The following RPL31 variants were observed in gnomAD, a reference collection of about 807,000 sequenced individuals.
RPL31 encodes the protein ribosomal protein L31.
For missense variants in RPL31, 95 were observed against 164.0 expected (o/e 0.58, Z 2.30); for synonymous variants, 51 against 55.0 (o/e 0.93, Z 0.32).
At chr2:101,013,672 T>C (rs1022674323) in intron 4 of RPL31, among the ~76,000 whole-genome samples, 2 of 152,224 alleles carry the variant, frequency 1.3e-5, no homozygotes, top group African/African-American at 4.8e-5. Context: ...TGGTTTCTAT[T>C]TTCTATATCA....
intron 3 of RPL31, 106 bp from the exon 4 acceptor site, chr2:101,005,853 C>G (rs1678710593): frequency 1.0e-5 from 10 of 954,182 alleles, no homozygotes; most frequent in Non-Finnish European, 1.5e-5. Context: ...CAGAGTAGAG[C>G]AAAGGACAGC....
chr2:101,008,033 G>A, downstream of RPL31: 2 of 1,613,938 alleles, frequency 1.2e-6, no homozygotes, highest in Non-Finnish European at 1.7e-6. Flanking sequence ...GGAAATGCCT[G>A]GGAGTCCTGG....
chr2:101,011,106 G>C (rs1679176778), downstream of RPL31: 11 of 1,333,746 alleles, frequency 8.2e-6, no homozygotes, highest in Non-Finnish European at 9.5e-6. Context: ...TAGGAGAGAG[G>C]AGCAAGGGGG....
intron 2 of RPL31, 38 bp downstream of exon 2, chr2:101,002,846 C>A: frequency 1.3e-6 from 2 of 1,486,398 alleles, no homozygotes; most frequent in African/African-American, 1.4e-5. Context: ...CTCGAACTCA[C>A]GCGTCTGGTT....
downstream of RPL31, chr2:101,008,328 T>G (rs1573843424): frequency 1.4e-6 from 2 of 1,398,392 alleles, no homozygotes; most frequent in Non-Finnish European, 1.9e-6. Flanking sequence ...AGTGTCATTT[T>G]TTTTTTTAAA....
chr2:101,007,730 C>A, downstream of RPL31: 19 of 1,369,230 alleles, frequency 1.4e-5, no homozygotes, highest in Non-Finnish European at 1.8e-5. Context: ...GTAAGGTAGA[C>A]TGAAATCTCG....
downstream of RPL31, chr2:101,010,825 T>C (rs979040913): frequency 2.7e-5 from 24 of 887,044 alleles, no homozygotes; most frequent in African/African-American, 3.8e-4. Context: ...GAGGTTGCAG[T>C]GGGCTGAGAT....
Position 101,006,031 on chromosome 2 carries a change from A to G in RPL31, c.306A>G (p.Leu102=). ...AGGATGAAGATTCACCAAATAAGCT[A>G]TATACTTTGGTTACCTATGTACCTG... ...RNEDEDSPNK[L]YTLVTYVPVT... Residue 102 remains leucine (L), a synonymous_variant, in exon 4 of 5, where the codon CTA becomes CTG. Transcript: ENST00000264258. The G allele has an allele frequency of 6.2e-7, 1 of 1,614,042 alleles. No homozygotes were observed. Among genetic ancestry groups the G allele is most frequent in the East Asian group, 2.2e-5 (1 of 44,878 alleles).
At chr2:101,002,403 C>G (rs538410370) in intron 1 of RPL31, 88 bp downstream of exon 1, 1 of 408,442 alleles carries the variant, frequency 2.4e-6, no homozygotes, top group Non-Finnish European at 4.5e-6. Flanking sequence ...AAATCTCTCC[C>G]GAGCCAGCCC....
At chr2:101,017,831 G>A in intron 4 of RPL31, 1 of 1,550,144 alleles carries the variant, frequency 6.5e-7, no homozygotes, top group Non-Finnish European at 8.7e-7. Flanking sequence ...TACTAACAGT[G>A]AAGCAGCTAC....
intron 4 of RPL31, among the ~76,000 whole-genome samples, chr2:101,012,960 A>C (rs180699585): frequency 4.3e-4 from 65 of 152,358 alleles, no homozygotes; most frequent in Non-Finnish European, 8.5e-4. Context: ...GCAAACCGTG[A>C]ATGGTACCTG....
rs1421536923 is a variant in RPL31 at position 101,006,419 on chromosome 2, CT to C, written c.*40del. The C allele has an allele frequency of 6.9e-6, 11 of 1,594,680 alleles. No individual in the cohort carries two copies. Among genetic ancestry groups the C allele is most frequent in the Non-Finnish European group, 8.5e-6 (10 of 1,172,774 alleles). On this transcript the variant is annotated 3_prime_UTR_variant, in exon 5 of 5. Transcript: ENST00000264258. ...AGATCAAATAAAGTTATAAAATTGC[CT>C]TCATGTTTTTGTTCTTTTTAGTTGC...
chr2:101,008,286 T>TAAG (rs1558962428), downstream of RPL31: 2 of 1,512,882 alleles, frequency 1.3e-6, no homozygotes, highest in Non-Finnish European at 1.8e-6. Context: ...GAAATTGAAA[T>TAAG]AAGTCTTAGG....
downstream of RPL31, chr2:101,008,347 T>A: frequency 8.4e-7 from 1 of 1,191,918 alleles, no homozygotes. Flanking sequence ...AACATACCTG[T>A]GAGCTTTGAG....
At chr2:101,008,359 A>G (rs1466275462), downstream of RPL31, 1 of 1,058,370 alleles carries the variant, frequency 9.4e-7, no homozygotes, top group African/African-American at 1.6e-5. Flanking sequence ...AGCTTTGAGA[A>G]AACGACACAG....
At chr2:101,003,749 A>G (rs1232612969) in intron 2 of RPL31, among the ~76,000 whole-genome samples, 1 of 152,252 alleles carries the variant, frequency 6.6e-6, no homozygotes, top group Non-Finnish European at 1.5e-5. Context: ...GCATAGATGA[A>G]GTCAATAGCA....
At chr2:101,018,162 C>T in intron 4 of RPL31, 3 of 439,674 alleles carry the variant, frequency 6.8e-6, no homozygotes, top group Non-Finnish European at 1.2e-5. Flanking sequence ...ACAGATATTG[C>T]TGTACTAATC....
chr2:101,012,605 G>A (rs1679304955), intron 4 of RPL31, among the ~76,000 whole-genome samples: 1 of 148,026 alleles, frequency 6.8e-6, no homozygotes, highest in Non-Finnish European at 1.5e-5. Context: ...TGTGGTGATC[G>A]CTGCACAACT....
downstream of RPL31, among the ~76,000 whole-genome samples, chr2:101,009,667 G>C: frequency 6.6e-6 from 1 of 151,942 alleles, no homozygotes; most frequent in East Asian, 1.9e-4. Context: ...CACAGTAGAC[G>C]AGCAGCATTT....
Sources: gnomAD v4.1 joint callset for allele counts (sites outside exome capture counted in the v4.1 genomes callset) on GRCh38, gnomAD v4.1.1 for gene constraint, MANE v1.5 for transcripts, NCBI Gene and HGNC (gene_info 2026-07-23, HGNC 2026-07-21) for gene names.